Variants in PCDHA12 observed in about 807,000 individuals in gnomAD.
PCDHA12 encodes protocadherin alpha 12, also known as protocadherin alpha-12.
A neutral mutation model predicts 60.0 loss-of-function variants in PCDHA12; 44 were observed. That is an observed-to-expected ratio of 0.73 (90% CI 0.58 to 0.94). The LOEUF is 0.94. Ranked by LOEUF, PCDHA12 falls within the 40% of genes least tolerant of loss-of-function variation. PCDHA12 has a pLI of 0.00. For missense variants in PCDHA12, 1,276 were observed against 1,239.7 expected (o/e 1.03, Z -0.44); for synonymous variants, 569 against 553.0 (o/e 1.03, Z -0.40).
At chr5:140,893,261 C>T (rs2063902016) in intron 1 of PCDHA12, among the ~76,000 whole-genome samples, 1 of 152,104 alleles carries the variant, frequency 6.6e-6, no homozygotes, top group Non-Finnish European at 1.5e-5. Context: ...TGGATAAATG[C>T]CCAATAGTGG....
Position 140,925,039 on chromosome 5 carries a change from A to C in PCDHA12, c.2367+47200A>C, listed in dbSNP as rs554229960. ...GATGGGAGGATCGCTTGAGCCCAGA[A>C]GTTTGAGACCAGACTGGGCAACAAA... On this transcript the variant is annotated intron_variant, in intron 1 of 3. Coordinates refer to ENST00000398631, the MANE Select transcript of PCDHA12 (RefSeq NM_018903.4). Among the ~76,000 whole-genome samples the C allele has an allele frequency of 1.1e-4, 16 of 152,028 alleles. 1 individual carries two copies. The highest frequency in any genetic ancestry group is 1.6e-4 in the Non-Finnish European group (11 of 67,960).
At chr5:140,987,050 C>G (rs781947211) in intron 3 of PCDHA12, among the ~76,000 whole-genome samples, 34 of 151,840 alleles carry the variant, frequency 2.2e-4, no homozygotes, top group Non-Finnish European at 2.5e-4. Context: ...CCCATCTCTA[C>G]TAAAGTTACA....
chr5:140,881,459 A>G (rs1172310253), intron 1 of PCDHA12: 2 of 672,234 alleles, frequency 3.0e-6, no homozygotes, highest in Non-Finnish European at 3.7e-6. Flanking sequence ...AAAACCTTAG[A>G]GCATTGTTGT....
chr5:140,899,402 G>A lies in PCDHA12; in HGVS notation c.2367+21563G>A, dbSNP rs1465071147. On this transcript the variant is annotated intron_variant, in intron 1 of 3. Transcript: ENST00000398631. ...TTTATTGAGAGTTTTTAGCATGAAG[G>A]GTTGTTGAATTTTGTCAAAGGTCTT... Among the ~76,000 whole-genome samples, 5 of 152,122 alleles carry A rather than the reference G, an allele frequency of 3.3e-5. No individual in the cohort carries two copies. The East Asian group carries it at 7.7e-4, about 24-fold the overall frequency.
intron 1 of PCDHA12, among the ~76,000 whole-genome samples, chr5:140,937,273 G>A (rs1165421382): frequency 1.3e-5 from 2 of 151,966 alleles, no homozygotes; most frequent in African/African-American, 2.4e-5. Context: ...TCCTGACCTC[G>A]TGATTCACCC....
At chr5:140,929,014 C>T (rs1554206582) in intron 1 of PCDHA12, 5 of 1,614,110 alleles carry the variant, frequency 3.1e-6, no homozygotes, top group Non-Finnish European at 4.2e-6. Flanking sequence ...TACCAAGTTG[C>T]ACCAGAGCCC....
At chr5:140,990,736 C>G (rs181451094) in intron 3 of PCDHA12, among the ~76,000 whole-genome samples, 22 of 152,218 alleles carry the variant, frequency 1.4e-4, no homozygotes, top group African/African-American at 5.3e-4. Flanking sequence ...TATCAACAGC[C>G]CTAGGGTGGA....
rs1554204518 is a variant in PCDHA12 at position 140,927,427 on chromosome 5, G to A, written c.2367+49588G>A. Reference sequence around the variant, plus strand: ...CCTGGACATGGGATCGCGGGTTGACGGCAGCGAATACCCGGAGTTGGTGTT... The same window carrying A: ...CCTGGACATGGGATCGCGGGTTGACAGCAGCGAATACCCGGAGTTGGTGTT... On this transcript the variant is annotated intron_variant, in intron 1 of 3. Transcript: ENST00000398631. 1.2e-6 allele frequency: 2 copies of A among 1,614,114 alleles called. No homozygotes were observed. Among genetic ancestry groups the A allele is most frequent in the Non-Finnish European group, 1.7e-6 (2 of 1,179,974 alleles).
At chr5:140,952,789 A>T (rs564361136) in intron 1 of PCDHA12, among the ~76,000 whole-genome samples, 1 of 152,316 alleles carries the variant, frequency 6.6e-6, no homozygotes, top group South Asian at 2.1e-4. Context: ...AAAGAGGTTT[A>T]ACTGGCTCGC....
chr5:140,876,514 C>A lies in PCDHA12; in HGVS notation c.1042C>A (p.Pro348Thr). 6.2e-7 allele frequency: 1 copy of A among 1,614,026 alleles called. No homozygotes were observed. The highest frequency in any genetic ancestry group is 2.2e-5 in the East Asian group (1 of 44,876). The change falls in exon 1 of 4, where the codon CCT (proline) becomes ACT (threonine). Residue 348 changes from proline (P) to threonine (T), a missense_variant. Physicochemically the swap from Pro to Thr is conservative, Grantham distance 38. Coordinates refer to ENST00000398631, the MANE Select transcript of PCDHA12 (RefSeq NM_018903.4). ...AGTTCTGGACGTGAATGACAATGTC[C>A]CTGAAGTAATGGTTACTTCACTGTC... is the stretch of plus-strand genomic sequence containing the variant. ...VEVLDVNDNV[P>T]EVMVTSLSLP...
At chr5:140,995,390 C>A (rs1198231096) in intron 3 of PCDHA12, among the ~76,000 whole-genome samples, 1 of 152,088 alleles carries the variant, frequency 6.6e-6, no homozygotes, top group Non-Finnish European at 1.5e-5. Flanking sequence ...CAGGATAAAG[C>A]GGGATGGCTC....
At chr5:140,992,637 G>A (rs31872) in intron 3 of PCDHA12, among the ~76,000 whole-genome samples, 103,738 of 151,942 alleles carry the variant, frequency 0.68, 36,576 homozygotes, top group African/African-American at 0.86. Flanking sequence ...AACTTCCCTG[G>A]AAAATAGAAG....
rs932495728 is a variant in PCDHA12, at chr5:140,945,802, C to T, written c.2368-33147C>T. ...AGATGCAGAAAAATGAAACTAGACC[C>T]TTATCTCACACTGTATACAAAAGTC... On this transcript the variant is annotated intron_variant, in intron 1 of 3. Coordinates refer to ENST00000398631, the MANE Select transcript of PCDHA12 (RefSeq NM_018903.4). Among the ~76,000 whole-genome samples the T allele has an allele frequency of 5.9e-5, 9 of 152,202 alleles. No homozygotes were observed. The East Asian group carries it at 1.7e-3, about 29-fold the overall frequency.
intron 1 of PCDHA12, among the ~76,000 whole-genome samples, chr5:140,933,313 C>T (rs977318847): frequency 3.9e-5 from 6 of 151,916 alleles, no homozygotes; most frequent in African/African-American, 1.4e-4. Context: ...TATGCAATCT[C>T]GTATTCTCCT....
intron 1 of PCDHA12, among the ~76,000 whole-genome samples, chr5:140,905,415 C>A (rs2071821709): frequency 6.6e-6 from 1 of 152,128 alleles, no homozygotes; most frequent in Non-Finnish European, 1.5e-5. Context: ...ATACCAGTAC[C>A]ATGCTGGTTT....
intron 1 of PCDHA12, among the ~76,000 whole-genome samples, chr5:140,881,902 A>T (rs2058862295): frequency 6.6e-6 from 1 of 152,262 alleles, no homozygotes; most frequent in African/African-American, 2.4e-5. Flanking sequence ...GTCAGCTAAT[A>T]TAAAATGTTG....
intron 1 of PCDHA12, chr5:140,968,136 T>C (rs1554230395): frequency 1.2e-6 from 2 of 1,614,102 alleles, no homozygotes; most frequent in South Asian, 2.2e-5. Flanking sequence ...ACACTGAAGG[T>C]TGAGATCTCT....
chr5:140,947,760 A>G (rs1332466215), intron 1 of PCDHA12, among the ~76,000 whole-genome samples: 1 of 151,618 alleles, frequency 6.6e-6, no homozygotes, highest in Admixed American at 6.6e-5. Context: ...TTATGGTTTA[A>G]AAAATTCTAT....
At chr5:140,915,059 C>T (rs1554196724) in intron 1 of PCDHA12, among the ~76,000 whole-genome samples, 1 of 151,706 alleles carries the variant, frequency 6.6e-6, no homozygotes, top group Non-Finnish European at 1.5e-5. Flanking sequence ...GATTCTCCTG[C>T]CTTAGCCTAC....
Sources: allele counts gnomAD v4.1 joint callset (sites outside exome capture counted in the v4.1 genomes callset), GRCh38; gene constraint gnomAD v4.1.1; transcripts MANE v1.5; gene names NCBI Gene and HGNC (gene_info 2026-07-23, HGNC 2026-07-21).